NEXMIF: variants seen among roughly 807,000 people sequenced by gnomAD.
NEXMIF encodes XLMR protein related to neurite extension.
Under a neutral mutation model 62.1 loss-of-function variants are expected in NEXMIF, and 8 were observed. The observed-to-expected ratio is 0.13, with a 90% CI of 0.08 to 0.23. NEXMIF has a LOEUF of 0.23. Ranked by LOEUF, NEXMIF falls within the 10% of genes least tolerant of loss-of-function variation. The probability of loss-of-function intolerance (pLI) is 1.00; values close to 1 mark genes in which losing one functional copy is unlikely to be tolerated. For missense variants in NEXMIF, 976 were observed against 1,113.3 expected, an observed-to-expected ratio of 0.88 and a Z score of 1.75; for synonymous variants, 404 against 416.6, an observed-to-expected ratio of 0.97 and a Z score of 0.37.
intron 1 of NEXMIF, among the ~76,000 whole-genome samples, chrX:74,807,141 C>T (rs2080347335): frequency 8.9e-6 from 1 of 112,333 alleles, no homozygotes; most frequent in African/African-American, 3.2e-5. Context: ...GAAGAAGTGA[C>T]ATCTTGACAA....
intron 1 of NEXMIF, among the ~76,000 whole-genome samples, chrX:74,828,188 T>C (rs1222028487): frequency 9.9e-5 from 11 of 111,586 alleles, no homozygotes; most frequent in Non-Finnish European, 1.7e-4. Context: ...TGTTCATTTG[T>C]TTAGGAAGAG....
chrX:74,888,786 A>C (rs1432855956), intron 1 of NEXMIF, among the ~76,000 whole-genome samples: 2 of 112,376 alleles, frequency 1.8e-5, no homozygotes, highest in Non-Finnish European at 3.8e-5. Context: ...AAATGGATGC[A>C]GACATACACT....
At chrX:74,909,767 A>G (rs2080781936) in intron 1 of NEXMIF, among the ~76,000 whole-genome samples, 1 of 111,838 alleles carries the variant, frequency 8.9e-6, no homozygotes, top group African/African-American at 3.3e-5. Context: ...CAAGGTCTCC[A>G]TGCTGTGTGC....
chrX:74,885,389 T>G (rs752306078), intron 1 of NEXMIF, among the ~76,000 whole-genome samples: 1 of 111,345 alleles, frequency 9.0e-6, no homozygotes, highest in Non-Finnish European at 1.9e-5. Context: ...ACAAAATTGA[T>G]AGACCGCTAG....
intron 1 of NEXMIF, among the ~76,000 whole-genome samples, chrX:74,887,172 G>T (rs1421480476): frequency 1.3e-3 from 141 of 111,659 alleles, no homozygotes; most frequent in Non-Finnish European, 2.2e-3. Flanking sequence ...AAGACTTACA[G>T]GTTAGACCTA....
intron 1 of NEXMIF, among the ~76,000 whole-genome samples, chrX:74,887,463 A>T (rs1238800409): frequency 6.2e-5 from 7 of 112,071 alleles, no homozygotes; most frequent in Non-Finnish European, 1.3e-4. Context: ...AAAAACAAAC[A>T]ACCCCATCAA....
chrX:74,843,285 T>A (rs1173460402), intron 1 of NEXMIF, among the ~76,000 whole-genome samples: 2 of 112,026 alleles, frequency 1.8e-5, no homozygotes, highest in Non-Finnish European at 3.8e-5. Context: ...GAAATTAGGA[T>A]TGCAACCCTT....
intron 1 of NEXMIF, among the ~76,000 whole-genome samples, chrX:74,844,939 T>G (rs1215397176): frequency 8.9e-6 from 1 of 112,479 alleles, no homozygotes; most frequent in African/African-American, 3.2e-5. Context: ...ATTTTTTAAC[T>G]GGGCTAGGGC....
intron 1 of NEXMIF, among the ~76,000 whole-genome samples, chrX:74,795,362 A>G (rs1002485698): frequency 8.9e-6 from 1 of 112,562 alleles, no homozygotes; most frequent in Non-Finnish European, 1.9e-5. Context: ...AACTACTTAC[A>G]TAAAAGGAGC....
chrX:74,781,757 CCT>C (rs2080247948), intron 1 of NEXMIF, among the ~76,000 whole-genome samples: 1 of 48,424 alleles, frequency 2.1e-5, no homozygotes, highest in Non-Finnish European at 7.3e-5. Flanking sequence ...TAAGATTTTC[CCT>C]CTTACCAGGA....
At chrX:74,841,216 AG>A (rs1009422242) in intron 1 of NEXMIF, among the ~76,000 whole-genome samples, 2 of 110,062 alleles carry the variant, frequency 1.8e-5, no homozygotes, top group African/African-American at 6.6e-5. Context: ...CTGTATTCCT[AG>A]GTATTTTATT....
intron 1 of NEXMIF, among the ~76,000 whole-genome samples, chrX:74,890,920 A>G (rs1336548527): frequency 9.0e-6 from 1 of 111,416 alleles, no homozygotes; most frequent in Admixed American, 9.6e-5. Flanking sequence ...CCACTGCTAC[A>G]AAGTAAATAA....
intron 1 of NEXMIF, among the ~76,000 whole-genome samples, chrX:74,878,694 C>T (rs369614123): frequency 4.7e-4 from 53 of 112,546 alleles, no homozygotes; most frequent in Non-Finnish European, 8.5e-4. Flanking sequence ...TCTCCTGATG[C>T]GCCGTTTTTT....
At chrX:74,831,314 C>T (rs959583718) in intron 1 of NEXMIF, among the ~76,000 whole-genome samples, 2 of 108,632 alleles carry the variant, frequency 1.8e-5, no homozygotes, top group Non-Finnish European at 1.9e-5. Context: ...TTTAGCATTA[C>T]GTATATCTCC....
chrX:74,878,322 CACTTG>C (rs2080646955), intron 1 of NEXMIF, among the ~76,000 whole-genome samples: 1 of 112,110 alleles, frequency 8.9e-6, no homozygotes, highest in East Asian at 2.8e-4. Context: ...GTCAGGGACC[CACTTG>C]AGGAGGCAGT....
chrX:74,802,515 G>A (rs756846843), intron 1 of NEXMIF, among the ~76,000 whole-genome samples: 12 of 111,223 alleles, frequency 1.1e-4, no homozygotes, highest in Non-Finnish European at 1.5e-4. Context: ...GGCTTGGGGT[G>A]TCTCCTAAAG....
At chrX:74,788,593 C>T (rs188620112) in intron 1 of NEXMIF, among the ~76,000 whole-genome samples, 1 of 110,942 alleles carries the variant, frequency 9.0e-6, no homozygotes, top group African/African-American at 3.3e-5. Context: ...CAGCAAGGGG[C>T]ACAAACATGA....
chrX:74,839,552 C>T (rs925201592), intron 1 of NEXMIF, among the ~76,000 whole-genome samples: 2 of 111,771 alleles, frequency 1.8e-5, no homozygotes, highest in African/African-American at 6.5e-5. Flanking sequence ...TTTTCTGCTC[C>T]TCTCTGTCCT....
chrX:74,751,258 A>G (rs2080141409), intron 1 of NEXMIF, among the ~76,000 whole-genome samples: 1 of 110,977 alleles, frequency 9.0e-6, no homozygotes, highest in South Asian at 3.9e-4. Context: ...TTCAAAAGAT[A>G]TGCACAAAAA....
Sources: allele counts gnomAD v4.1 joint callset (sites outside exome capture counted in the v4.1 genomes callset), GRCh38; gene constraint gnomAD v4.1.1; transcripts MANE v1.5; gene names NCBI Gene and HGNC (gene_info 2026-07-23, HGNC 2026-07-21).